Variants in PLAC1 observed in about 807,000 individuals in gnomAD.
PLAC1 encodes placenta-specific protein 1.
For synonymous variants in PLAC1, 68 were observed against 62.1 expected (o/e 1.09, Z -0.44); for missense variants, 136 against 163.2 (o/e 0.83, Z 0.91).
intron 2 of PLAC1, among the ~76,000 whole-genome samples, chrX:134,681,539 C>G (rs1394061663): frequency 9.0e-6 from 1 of 111,440 alleles, no homozygotes; most frequent in Non-Finnish European, 1.9e-5. Context: ...GTGCCAGGTC[C>G]TAGAGATATA....
intron 1 of PLAC1, among the ~76,000 whole-genome samples, chrX:134,624,815 A>C (rs1347427590): frequency 1.8e-5 from 2 of 111,375 alleles, no homozygotes; most frequent in East Asian, 5.6e-4. Context: ...AAACTCAGAA[A>C]AAAGGTGTCA....
chrX:134,616,061 C>A lies in PLAC1; in HGVS notation c.-130-13939G>T, dbSNP rs182313769. On this transcript the variant is annotated intron_variant, in intron 1 of 2. Transcript: ENST00000359237. ...GTGGCAAAATCATAGCACAGTGTAA[C>A]CTTGAACTCCTGGGCTCAAGTAATC... is the stretch of plus-strand genomic sequence containing the variant. Among the ~76,000 whole-genome samples the A allele has an allele frequency of 5.8e-3, 642 of 110,767 alleles. 4 individuals are homozygous for A. Among genetic ancestry groups the A allele is most frequent in the South Asian group, 0.011 (28 of 2,558 alleles).
chrX:134,577,731 C>T lies in PLAC1; in HGVS notation c.-58-10991G>A, dbSNP rs766354137. On this transcript the variant is annotated intron_variant, in intron 2 of 2. Coordinates refer to ENST00000359237, the MANE Select transcript of PLAC1 (RefSeq NM_021796.4). ...GTGTTTAAGGTTCTATCACAGAATG[C>T]CTCATGTGTGCATGCATGCGTGTGT... Among the ~76,000 whole-genome samples the T allele has an allele frequency of 3.8e-4, 38 of 100,717 alleles. 1 individual carries two copies. The South Asian group carries it at 0.018, about 48-fold the overall frequency. 87.5% of individuals were successfully genotyped at this position (100,717 alleles called of 115,157 possible).
upstream of PLAC1, among the ~76,000 whole-genome samples, chrX:134,662,703 G>A (rs948696174): frequency 3.6e-5 from 4 of 112,344 alleles, no homozygotes; most frequent in Non-Finnish European, 7.5e-5. Flanking sequence ...GCTGAAGCAG[G>A]TGGATTGCTC....
At chrX:134,616,561 G>A (rs1015614041) in intron 1 of PLAC1, among the ~76,000 whole-genome samples, 5 of 109,360 alleles carry the variant, frequency 4.6e-5, no homozygotes, top group East Asian at 3.0e-4. Flanking sequence ...GTGTGAACCC[G>A]GGAGGCAGAG....
chrX:134,733,643 C>T (rs1237601841), intron 1 of PLAC1: 3 of 111,208 alleles, frequency 2.7e-5, no homozygotes, highest in African/African-American at 9.8e-5. Flanking sequence ...CCTCAGAGAA[C>T]TGGTCATGTG....
At chrX:134,607,122 G>A (rs2078126321) in intron 1 of PLAC1, 1 of 118,931 alleles carries the variant, frequency 8.4e-6, no homozygotes, top group African/African-American at 3.2e-5. Context: ...CTTTTGGCCA[G>A]AACCACCATC....
intron 2 of PLAC1, among the ~76,000 whole-genome samples, chrX:134,704,166 A>C (rs1286721020): frequency 9.2e-6 from 1 of 108,755 alleles, no homozygotes; most frequent in Admixed American, 9.9e-5. Context: ...ATCAAGGCAG[A>C]AAAAAATAAA....
At chrX:134,602,598 G>A (rs2078093912) in intron 1 of PLAC1, among the ~76,000 whole-genome samples, 1 of 112,258 alleles carries the variant, frequency 8.9e-6, no homozygotes, top group Admixed American at 9.5e-5. Context: ...TCTGCAACTG[G>A]TGAATGGATA....
At chrX:134,729,856 A>G (rs2078683780) in intron 2 of PLAC1, among the ~76,000 whole-genome samples, 2 of 109,730 alleles carry the variant, frequency 1.8e-5, no homozygotes, top group Non-Finnish European at 3.8e-5. Context: ...CAATGGCTTG[A>G]TCTTGGCTCA....
intron 2 of PLAC1, among the ~76,000 whole-genome samples, chrX:134,582,856 G>C (rs1440374274): frequency 8.9e-6 from 1 of 111,821 alleles, no homozygotes; most frequent in African/African-American, 3.2e-5. Flanking sequence ...GAAGCAATGA[G>C]GTCCTGGAGG....
chrX:134,639,180 A>G (rs2078296919), intron 1 of PLAC1, among the ~76,000 whole-genome samples: 1 of 111,698 alleles, frequency 9.0e-6, no homozygotes, highest in Non-Finnish European at 1.9e-5. Context: ...CCTTGGCTAC[A>G]TCAACATTTT....
At chrX:134,580,308 T>C (rs778338185) in intron 2 of PLAC1, among the ~76,000 whole-genome samples, 1 of 111,642 alleles carries the variant, frequency 9.0e-6, no homozygotes, top group African/African-American at 3.3e-5. Context: ...AGGAGGGAAA[T>C]GGATATATAT....
chrX:134,616,312 C>T (rs767656241), intron 1 of PLAC1, among the ~76,000 whole-genome samples: 2 of 111,395 alleles, frequency 1.8e-5, no homozygotes, highest in South Asian at 7.6e-4. Context: ...CAGAAAGTGC[C>T]CCCAACTTTC....
chrX:134,582,874 G>A (rs1273321299), intron 2 of PLAC1, among the ~76,000 whole-genome samples: 1 of 111,932 alleles, frequency 8.9e-6, no homozygotes, highest in African/African-American at 3.2e-5. Context: ...AGGGTTTGAG[G>A]CAGGATAGTC....
intron 1 of PLAC1, chrX:134,651,069 TG>T (rs768366170): frequency 4.5e-4 from 128 of 284,672 alleles, no homozygotes; most frequent in African/African-American, 3.3e-3. Flanking sequence ...CTGGCTAGTA[TG>T]TGAATTGGAG....
In PLAC1 at chrX:134,750,859, ATT is replaced by A. The variant is rs1206628605; in HGVS notation, n.89+13373_89+13374del. Among the ~76,000 whole-genome samples, 17 of 24,233 alleles carry A rather than the reference ATT, an allele frequency of 7.0e-4. 1 individual carries two copies. Among genetic ancestry groups the A allele is most frequent in the African/African-American group, 4.3e-3 (11 of 2,540 alleles). The allele number at this position is 24,233 out of a possible 115,157, so 21.0% of individuals were successfully genotyped here. On this transcript the variant is annotated intron_variant and non_coding_transcript_variant, in intron 1 of 2. Transcript: ENST00000466797. Reference sequence around the variant, plus strand: ...TTTATATATATATTTATATATATATATTTTTATATATATATATTTATAAATAT... The same window carrying A: ...TTTATATATATATTTATATATATATATTTATATATATATATTTATAAATAT...
At chrX:134,655,611 T>C (rs1263499438) in intron 1 of PLAC1, among the ~76,000 whole-genome samples, 2 of 112,355 alleles carry the variant, frequency 1.8e-5, no homozygotes, top group Non-Finnish European at 3.8e-5. Flanking sequence ...CATCTACTTA[T>C]GTCCCTTTAG....
intron 1 of PLAC1, among the ~76,000 whole-genome samples, chrX:134,653,392 G>C (rs772120047): frequency 4.1e-4 from 46 of 112,499 alleles, no homozygotes; most frequent in African/African-American, 1.4e-3. Flanking sequence ...AAAAAAATTA[G>C]AGATCCTGTC....
Sources: allele counts gnomAD v4.1 joint callset (sites outside exome capture counted in the v4.1 genomes callset), GRCh38; gene constraint gnomAD v4.1.1; transcripts MANE v1.5; gene names NCBI Gene and HGNC (gene_info 2026-07-23, HGNC 2026-07-21).